The following UBXN2A variants were observed in gnomAD, a reference collection of about 807,000 sequenced individuals.
UBXN2A encodes UBX domain-containing protein 2A.
A neutral mutation model predicts 28.4 loss-of-function variants in UBXN2A; 28 were observed. The observed-to-expected ratio is 0.99, with a 90% CI of 0.73 to 1.35. UBXN2A has a LOEUF of 1.35. Ranked by LOEUF, UBXN2A falls within the 40% of genes most tolerant of loss-of-function variation. The probability of loss-of-function intolerance (pLI) is 0.00; values close to 1 mark genes in which losing one functional copy is unlikely to be tolerated. For synonymous variants in UBXN2A, 97 were observed against 103.6 expected, an observed-to-expected ratio of 0.94 and a Z score of 0.39; for missense variants, 253 against 297.9, an observed-to-expected ratio of 0.85 and a Z score of 1.11.
chr2:23,929,183 C>A (rs1705296288), intron 1 of UBXN2A, among the ~76,000 whole-genome samples: 1 of 151,716 alleles, frequency 6.6e-6, no homozygotes, highest in African/African-American at 2.4e-5. Context: ...AGTGCAGTGG[C>A]ACAACCACAG....
chr2:23,931,707 T>A (rs1382143372), intron 1 of UBXN2A, among the ~76,000 whole-genome samples: 1 of 152,092 alleles, frequency 6.6e-6, no homozygotes, highest in Non-Finnish European at 1.5e-5. Flanking sequence ...GAATTTGACC[T>A]TTTCTCTGCG....
intron 1 of UBXN2A, among the ~76,000 whole-genome samples, chr2:23,949,365 A>T (rs921114813): frequency 3.3e-5 from 5 of 151,540 alleles, no homozygotes; most frequent in Admixed American, 3.3e-4. Flanking sequence ...AGGTCAGGAG[A>T]TGGAGACCAT....
chr2:23,942,670 C>T (rs1337606899), intron 1 of UBXN2A, among the ~76,000 whole-genome samples: 1 of 151,904 alleles, frequency 6.6e-6, no homozygotes, highest in Non-Finnish European at 1.5e-5. Flanking sequence ...CCACCCACCT[C>T]GGCCTCCCAG....
chr2:23,928,188 AAG>A (rs1491367546), intron 1 of UBXN2A, among the ~76,000 whole-genome samples: 10 of 151,708 alleles, frequency 6.6e-5, no homozygotes, highest in Non-Finnish European at 1.2e-4. Flanking sequence ...AAAAAAAAAA[AAG>A]AAGAAAGAGA....
At chr2:23,974,409 G>A (rs181062792) in intron 3 of UBXN2A, among the ~76,000 whole-genome samples, 6 of 149,896 alleles carry the variant, frequency 4.0e-5, no homozygotes, top group African/African-American at 1.5e-4. Flanking sequence ...GCAGTGGCGT[G>A]ATCTCGGCTC....
chr2:23,986,267 G>A (rs563919082), intron 6 of UBXN2A, among the ~76,000 whole-genome samples: 104 of 152,000 alleles, frequency 6.8e-4, no homozygotes, highest in Non-Finnish European at 1.3e-3. Flanking sequence ...CCGAGATTGC[G>A]CCACTGCACC....
chr2:23,957,773 G>C (rs1054720096), intron 1 of UBXN2A, among the ~76,000 whole-genome samples: 1 of 152,196 alleles, frequency 6.6e-6, no homozygotes, highest in Non-Finnish European at 1.5e-5. Context: ...GATGGAGGTT[G>C]TGGTGAGCCG....
intron 1 of UBXN2A, 88 bp from the exon 2 acceptor site, chr2:23,958,213 T>C (rs1232359471): frequency 3.0e-6 from 3 of 989,496 alleles, no homozygotes; most frequent in Non-Finnish European, 1.4e-6. Context: ...TTAGACACTT[T>C]TAAGTAATAC....
chr2:23,961,618 G>A (rs1706919306), intron 2 of UBXN2A, among the ~76,000 whole-genome samples: 1 of 129,514 alleles, frequency 7.7e-6, no homozygotes, highest in Non-Finnish European at 1.6e-5. Context: ...CATGATCTCG[G>A]CTCATTGCAA....
intron 6 of UBXN2A, among the ~76,000 whole-genome samples, chr2:23,987,670 C>T (rs964908441): frequency 9.3e-5 from 14 of 151,034 alleles, no homozygotes; most frequent in South Asian, 2.1e-4. Context: ...CCCAGCTACT[C>T]GGGAGGCTGA....
intron 2 of UBXN2A, chr2:23,969,180 C>G (rs556023855): frequency 6.6e-6 from 1 of 151,054 alleles, no homozygotes; most frequent in African/African-American, 2.4e-5. Flanking sequence ...CATGAGCTAC[C>G]TCACCCAGCT....
At chr2:23,998,722 A>G (rs1337720917) in intron 6 of UBXN2A, among the ~76,000 whole-genome samples, 1 of 152,100 alleles carries the variant, frequency 6.6e-6, no homozygotes, top group Non-Finnish European at 1.5e-5. Flanking sequence ...CTCCATCTCA[A>G]AAAAAAGAAA....
chr2:23,974,575 T>C (rs978585862), intron 3 of UBXN2A, among the ~76,000 whole-genome samples: 1 of 151,658 alleles, frequency 6.6e-6, no homozygotes, highest in African/African-American at 2.4e-5. Flanking sequence ...CTCGATCTCT[T>C]GACCTCATGA....
At chr2:23,963,019 AAGAG>A (rs934586143) in intron 2 of UBXN2A, among the ~76,000 whole-genome samples, 1 of 152,208 alleles carries the variant, frequency 6.6e-6, no homozygotes, top group Non-Finnish European at 1.5e-5. Flanking sequence ...GCAGCAGGCA[AAGAG>A]AGAGAGTTTG....
chr2:23,985,498 C>T (rs573575911), intron 6 of UBXN2A, among the ~76,000 whole-genome samples: 150 of 152,056 alleles, frequency 9.9e-4, no homozygotes, highest in African/African-American at 3.5e-3. Flanking sequence ...GTGATCTGCC[C>T]GCTTTGGCCT....
At chr2:23,937,438 TA>T (rs1370999987), upstream of UBXN2A, among the ~76,000 whole-genome samples, 10 of 152,108 alleles carry the variant, frequency 6.6e-5, no homozygotes. Flanking sequence ...TGGTCCTAGC[TA>T]CTCAGGACAC....
intron 6 of UBXN2A, chr2:23,996,873 A>G (rs1288765093): frequency 6.6e-6 from 1 of 151,910 alleles, no homozygotes; most frequent in African/African-American, 2.4e-5. Flanking sequence ...TGATCAGCAC[A>G]GGAGTTTTTA....
chr2:23,929,627 C>T (rs1001623822), intron 1 of UBXN2A, among the ~76,000 whole-genome samples: 3 of 151,752 alleles, frequency 2.0e-5, no homozygotes, highest in African/African-American at 4.8e-5. Context: ...GCAGGATAAT[C>T]GCTTGAACCC....
intron 3 of UBXN2A, among the ~76,000 whole-genome samples, chr2:23,972,691 G>A (rs1050465803): frequency 6.6e-6 from 1 of 151,914 alleles, no homozygotes; most frequent in Non-Finnish European, 1.5e-5. Flanking sequence ...GTGTGGTGGT[G>A]CGTGCCTGTA....
Sources: gnomAD v4.1 joint callset for allele counts (sites outside exome capture counted in the v4.1 genomes callset) on GRCh38, gnomAD v4.1.1 for gene constraint, MANE v1.5 for transcripts, NCBI Gene and HGNC (gene_info 2026-07-23, HGNC 2026-07-21) for gene names.